Variants in RBMS3 observed in about 807,000 individuals in gnomAD.
RBMS3 encodes RNA binding motif single stranded interacting protein 3.
A neutral mutation model predicts 66.8 loss-of-function variants in RBMS3; 27 were observed. That is an observed-to-expected ratio of 0.40 (90% CI 0.30 to 0.56). The LOEUF (loss-of-function observed/expected upper bound fraction) is 0.56. RBMS3 is among the 20% of genes least tolerant of loss of function. RBMS3 has a pLI of 0.40. For synonymous variants in RBMS3, 188 were observed against 183.0 expected (o/e 1.03, Z -0.22); for missense variants, 513 against 549.5 (o/e 0.93, Z 0.66).
chr3:29,909,278 A>C (rs369654032), intron 10 of RBMS3, among the ~76,000 whole-genome samples: 2 of 152,284 alleles, frequency 1.3e-5, no homozygotes, highest in East Asian at 3.9e-4. Context: ...TTCAGAATTT[A>C]AGTTTACTTT....
Position 29,708,468 on chromosome 3 carries a change from T to C in RBMS3, c.400-31252T>C, listed in dbSNP as rs147027223. Among the ~76,000 whole-genome samples the C allele has an allele frequency of 3.3e-4, 51 of 152,298 alleles. No individual in the cohort carries two copies. In the East Asian group the frequency reaches 9.3e-3, roughly 28 times the overall value. On this transcript the variant is annotated intron_variant, in intron 4 of 14. Coordinates refer to ENST00000383767, the MANE Select transcript of RBMS3 (RefSeq NM_001003793.3). ...CCATTTGGGAAAATAAAATAATAAA[T>C]CGTGTAATTCCTACAGAGTTAGAAT...
chr3:29,649,882 C>T (rs1481257118), intron 4 of RBMS3, among the ~76,000 whole-genome samples: 1 of 152,102 alleles, frequency 6.6e-6, no homozygotes, highest in Non-Finnish European at 1.5e-5. Flanking sequence ...ATGTAAATGC[C>T]ATCCATATCT....
intron 1 of RBMS3, among the ~76,000 whole-genome samples, chr3:29,434,411 T>G (rs2041320040): frequency 6.6e-6 from 1 of 152,084 alleles, no homozygotes; most frequent in Admixed American, 6.5e-5. Flanking sequence ...AGTGACTGTT[T>G]TATTTTATTA....
At chr3:29,651,689 G>A (rs564878346) in intron 4 of RBMS3, among the ~76,000 whole-genome samples, 19 of 151,980 alleles carry the variant, frequency 1.3e-4, no homozygotes, top group South Asian at 1.3e-3. Context: ...AACTCTTTTC[G>A]TTCATTATCC....
At chr3:29,805,021 T>C (rs915877962) in intron 6 of RBMS3, among the ~76,000 whole-genome samples, 3 of 151,860 alleles carry the variant, frequency 2.0e-5, no homozygotes, top group African/African-American at 4.8e-5. Context: ...ATTCTGAAAC[T>C]ACTACTACTA....
intron 7 of RBMS3, among the ~76,000 whole-genome samples, chr3:29,879,955 A>G (rs941226585): frequency 4.5e-4 from 69 of 152,306 alleles, no homozygotes; most frequent in Non-Finnish European, 2.1e-4. Flanking sequence ...GTATTTCCAC[A>G]ATTATTACCT....
intron 12 of RBMS3, among the ~76,000 whole-genome samples, chr3:29,974,576 C>T (rs1395117603): frequency 1.3e-5 from 2 of 151,564 alleles, no homozygotes; most frequent in Non-Finnish European, 3.0e-5. Flanking sequence ...TCACAGAAAC[C>T]TCCCTTATAT....
intron 1 of RBMS3, among the ~76,000 whole-genome samples, chr3:29,352,498 T>A (rs2036975459): frequency 6.6e-6 from 1 of 152,058 alleles, no homozygotes; most frequent in Non-Finnish European, 1.5e-5. Flanking sequence ...AAGGTACATG[T>A]GATATTTTGT....
At chr3:29,962,388 C>T (rs955930889) in intron 12 of RBMS3, among the ~76,000 whole-genome samples, 1 of 151,764 alleles carries the variant, frequency 6.6e-6, no homozygotes, top group African/African-American at 2.4e-5. Context: ...AGCATGATAG[C>T]TCATTCCTCA....
Position 29,416,131 on chromosome 3 carries a change from C to T in RBMS3, c.76-18612C>T, listed in dbSNP as rs543563919. Among the ~76,000 whole-genome samples the T allele has an allele frequency of 1.5e-4, 23 of 152,098 alleles. No individual in the cohort carries two copies. The South Asian group carries it at 4.2e-3, about 28-fold the overall frequency. ...CCTTAAGTCATTTAGCTCTATCACA[C>T]GAGATACTTACATCTGAAAATGGAA... On this transcript the variant is annotated intron_variant, in intron 1 of 14. Coordinates refer to ENST00000383767, the MANE Select transcript of RBMS3 (RefSeq NM_001003793.3).
chr3:29,281,818 C>G (rs1421979489), intron 1 of RBMS3, 62 bp downstream of exon 1: 3 of 1,395,722 alleles, frequency 2.1e-6, no homozygotes, highest in Non-Finnish European at 3.0e-6. Flanking sequence ...GGATGGGAAA[C>G]AGACAGGCGT....
intron 1 of RBMS3, among the ~76,000 whole-genome samples, chr3:29,422,558 G>A (rs1393410882): frequency 6.6e-6 from 1 of 151,938 alleles, no homozygotes; most frequent in Non-Finnish European, 1.5e-5. Flanking sequence ...ATAATTAAGA[G>A]CAATAGAAGT....
At position 29,948,240 on chromosome 3, in the gene RBMS3, A is replaced by T. The variant is rs554211811; in HGVS notation, c.1098+3986A>T. Among the ~76,000 whole-genome samples the T allele has an allele frequency of 3.3e-5, 5 of 151,866 alleles. No homozygotes were observed. In the East Asian group the frequency reaches 9.8e-4, roughly 30 times the overall value. On this transcript the variant is annotated intron_variant, in intron 12 of 14. Coordinates refer to ENST00000383767, the MANE Select transcript of RBMS3 (RefSeq NM_001003793.3). ...CTCTACGAATAAAGTTCTTCATTGG[A>T]GTACATGATGCAATTAAGACAAAAT...
At chr3:29,605,325 T>C (rs552777644) in intron 4 of RBMS3, among the ~76,000 whole-genome samples, 3 of 152,022 alleles carry the variant, frequency 2.0e-5, no homozygotes, top group Admixed American at 6.6e-5. Flanking sequence ...GTATACGCTG[T>C]TAACAAAGGC....
At chr3:29,288,867 G>A (rs1412073041) in intron 1 of RBMS3, among the ~76,000 whole-genome samples, 1 of 151,864 alleles carries the variant, frequency 6.6e-6, no homozygotes, top group Non-Finnish European at 1.5e-5. Context: ...ATTGTAGGAG[G>A]GAAATAACTC....
chr3:29,639,407 C>G (rs1046174946), intron 4 of RBMS3, among the ~76,000 whole-genome samples: 1 of 151,704 alleles, frequency 6.6e-6, no homozygotes, highest in Non-Finnish European at 1.5e-5. Flanking sequence ...TATAAACACG[C>G]CTAGTGATAC....
At chr3:29,742,770 A>C (rs2054701006) in intron 5 of RBMS3, among the ~76,000 whole-genome samples, 1 of 152,184 alleles carries the variant, frequency 6.6e-6, no homozygotes. Flanking sequence ...ATATGTGGCT[A>C]GTGGATTTCA....
intron 14 of RBMS3, among the ~76,000 whole-genome samples, chr3:29,995,003 G>T (rs1440214817): frequency 1.3e-5 from 2 of 152,168 alleles, no homozygotes; most frequent in African/African-American, 4.8e-5. Flanking sequence ...CAAACCAAAG[G>T]CAAAGAAGTC....
At chr3:29,566,010 C>T (rs537213859) in intron 3 of RBMS3, among the ~76,000 whole-genome samples, 156 of 151,948 alleles carry the variant, frequency 1.0e-3, no homozygotes, top group African/African-American at 3.3e-3. Flanking sequence ...AATTATAATG[C>T]CTGAAGTTAT....
Sources: gnomAD v4.1 joint callset for allele counts (sites outside exome capture counted in the v4.1 genomes callset) on GRCh38, gnomAD v4.1.1 for gene constraint, MANE v1.5 for transcripts, NCBI Gene and HGNC (gene_info 2026-07-23, HGNC 2026-07-21) for gene names.